Variants in CHRM5 observed in about 807,000 individuals in gnomAD.
CHRM5 encodes cholinergic receptor muscarinic 5.
CHRM5 carries 18 observed loss-of-function variants against 39.0 expected under a neutral mutation model. That is an observed-to-expected ratio of 0.46 (90% CI 0.32 to 0.68). The LOEUF is 0.68. Ranked by LOEUF, CHRM5 falls within the 30% of genes least tolerant of loss-of-function variation. The pLI, the probability that CHRM5 is intolerant of heterozygous loss-of-function variation, is 0.04. For synonymous variants in CHRM5, 241 were observed against 246.3 expected (o/e 0.98, Z 0.20); for missense variants, 515 against 651.1 (o/e 0.79, Z 2.28).
At chr15:34,027,012 A>G (rs1457117785) in intron 1 of CHRM5, among the ~76,000 whole-genome samples, 1 of 138,034 alleles carries the variant, frequency 7.2e-6, no homozygotes, top group Non-Finnish European at 1.6e-5. Context: ...ATAGAATAGA[A>G]GTACTTCCAG....
intron 1 of CHRM5, among the ~76,000 whole-genome samples, chr15:33,973,966 A>T (rs1249966717): frequency 6.6e-6 from 1 of 152,228 alleles, no homozygotes; most frequent in Non-Finnish European, 1.5e-5. Flanking sequence ...TAACTGCAGA[A>T]AAGTCTAATG....
intron 1 of CHRM5, among the ~76,000 whole-genome samples, chr15:34,015,435 T>TTC (rs1897850569): frequency 6.6e-6 from 1 of 151,810 alleles, no homozygotes; most frequent in Non-Finnish European, 1.5e-5. Context: ...TGAGCCGAGA[T>TTC]CGCACCACTG....
chr15:33,981,439 A>AACT (rs397798325), intron 1 of CHRM5, among the ~76,000 whole-genome samples: 1 of 151,698 alleles, frequency 6.6e-6, no homozygotes, highest in Non-Finnish European at 1.5e-5. Flanking sequence ...CAAACTAAAC[A>AACT]TAACCAAGTT....
At position 34,063,658 on chromosome 15, in the gene CHRM5, A is replaced by G. The variant is rs1597396207; in HGVS notation, c.941A>G (p.Lys314Arg). The change falls in exon 3 of 3, where the codon AAG (lysine) becomes AGG (arginine). Residue 314 changes from lysine (K) to arginine (R), a missense_variant. Coordinates refer to ENST00000383263, the MANE Select transcript of CHRM5 (RefSeq NM_012125.4). This position sits in a 1 kb window ranked among gnomAD's most constrained non-coding sequence, Gnocchi z 4.1. Reference protein sequence around the residue: ...SSYPSSEDEDKPATDPVLQVV... With the variant: ...SSYPSSEDEDRPATDPVLQVV... The stretch of plus-strand genomic sequence containing the variant: ...TACCCTTCCTCAGAGGATGAGGACA[A>G]GCCCGCCACTGACCCTGTCCTCCAA... The G allele has an allele frequency of 2.5e-6, 4 of 1,614,158 alleles. No individual in the cohort carries two copies. The East Asian group carries it at 8.9e-5, about 36-fold the overall frequency.
intron 1 of CHRM5, chr15:34,039,083 G>C: frequency 1.9e-6 from 2 of 1,079,732 alleles, no homozygotes; most frequent in Non-Finnish European, 2.2e-6. Context: ...CGCGGGAGCC[G>C]AGCTGCGGCG....
chr15:34,032,057 GA>G (rs1052714350), intron 1 of CHRM5, among the ~76,000 whole-genome samples: 21 of 140,490 alleles, frequency 1.5e-4, no homozygotes, highest in South Asian at 4.5e-4. Context: ...TCTAACAAAA[GA>G]AAAAAAAAAT....
At chr15:34,020,351 T>C (rs1388582330) in intron 1 of CHRM5, among the ~76,000 whole-genome samples, 1 of 152,176 alleles carries the variant, frequency 6.6e-6, no homozygotes, top group East Asian at 1.9e-4. Flanking sequence ...AAAAGGATAG[T>C]GTTCTTTTCT....
At chr15:33,970,537 C>T (rs1306394080) in intron 1 of CHRM5, among the ~76,000 whole-genome samples, 1 of 151,964 alleles carries the variant, frequency 6.6e-6, no homozygotes, top group East Asian at 1.9e-4. Context: ...TGAGAAACAG[C>T]TGAACCCTTA....
chr15:34,063,462 C>T lies in CHRM5; in HGVS notation c.745C>T (p.Leu249=), dbSNP rs540440299. Residue 249 remains leucine (L), a synonymous_variant, in exon 3 of 3, where the codon CTG becomes TTG. Coordinates refer to ENST00000383263, the MANE Select transcript of CHRM5 (RefSeq NM_012125.4). The surrounding 1 kb of genome is among the most constrained non-coding windows in gnomAD (Gnocchi z 4.1). ...GAAGAGAAAGCCAGCTCATAGGGCT[C>T]TGTTCAGATCCTGCTTGCGCTGTCC... ...AEKRKPAHRA[L]FRSCLRCPRP... is the part of the protein sequence containing the mutation. The T allele has an allele frequency of 6.8e-6, 11 of 1,613,894 alleles. No individual in the cohort carries two copies. The East Asian group carries it at 2.2e-4, about 33-fold the overall frequency.
At chr15:33,985,838 A>G (rs890929040) in intron 1 of CHRM5, among the ~76,000 whole-genome samples, 2 of 152,146 alleles carry the variant, frequency 1.3e-5, no homozygotes, top group Admixed American at 1.3e-4. Context: ...GGAAATGTTC[A>G]AAAATAGAAG....
chr15:34,003,602 C>T (rs1440983543), intron 1 of CHRM5, among the ~76,000 whole-genome samples: 1 of 152,138 alleles, frequency 6.6e-6, no homozygotes, highest in African/African-American at 2.4e-5. Context: ...CAAACACATT[C>T]CATAAACATG....
chr15:34,008,090 GA>G (rs766021495), intron 1 of CHRM5, among the ~76,000 whole-genome samples: 7 of 152,138 alleles, frequency 4.6e-5, no homozygotes, highest in African/African-American at 1.4e-4. Flanking sequence ...ATTCTTGGAA[GA>G]AAAAATCACC....
rs559920597 is a variant in CHRM5, at chr15:34,047,856, C to T, written c.-76+985C>T. Among the ~76,000 whole-genome samples the T allele has an allele frequency of 3.2e-4, 49 of 152,226 alleles. 1 individual carries two copies. The South Asian group carries it at 5.0e-3, about 16-fold the overall frequency. ...CTCTGCCTCCTGAGCTCAAGTAATCCTCCCACCTCAGCCTCCCGCACCCTG... is the reference window on the plus strand; with the variant it reads ...CTCTGCCTCCTGAGCTCAAGTAATCTTCCCACCTCAGCCTCCCGCACCCTG... On this transcript the variant is annotated intron_variant, in intron 2 of 2. Coordinates refer to ENST00000383263, the MANE Select transcript of CHRM5 (RefSeq NM_012125.4).
At chr15:34,032,446 G>A (rs1482387376) in intron 1 of CHRM5, among the ~76,000 whole-genome samples, 1 of 152,164 alleles carries the variant, frequency 6.6e-6, no homozygotes, top group Non-Finnish European at 1.5e-5. Flanking sequence ...CCTAGCAGCA[G>A]TTTAAAACAA....
intron 1 of CHRM5, among the ~76,000 whole-genome samples, chr15:34,021,181 ATCTTTT>A (rs1172864828): frequency 1.3e-5 from 2 of 152,056 alleles, no homozygotes; most frequent in African/African-American, 4.8e-5. Flanking sequence ...AAAAAATTGC[ATCTTTT>A]TCTTTTTCTT....
At chr15:33,980,912 C>T (rs906386829) in intron 1 of CHRM5, among the ~76,000 whole-genome samples, 1 of 152,110 alleles carries the variant, frequency 6.6e-6, no homozygotes, top group East Asian at 1.9e-4. Flanking sequence ...AAAATCGTAT[C>T]ACTAGAGCCT....
At chr15:34,042,396 G>GTTTTT (rs35456951) in intron 1 of CHRM5, among the ~76,000 whole-genome samples, 4 of 130,382 alleles carry the variant, frequency 3.1e-5, no homozygotes, top group Non-Finnish European at 4.8e-5. Context: ...CATGACCTAA[G>GTTTTT]TTTTTTTTTT....
rs538462188 is a variant in CHRM5, at chr15:34,057,135, T to A, written c.-75-5508T>A. 3.1e-4 allele frequency among the ~76,000 whole-genome samples: 15 copies of A among 48,802 alleles called. 1 individual carries two copies. In the South Asian group the frequency reaches 0.013, roughly 41 times the overall value. 32.0% of individuals were successfully genotyped at this position (48,802 alleles called of 152,430 possible). A position where few individuals can be genotyped will look rare whatever the true frequency, so the allele number is the denominator to read the frequency against. ...TCCTACCAGGAGAAGAGTTTTGGTT[T>A]TTTTTGGTTTTTTTTTTTAGGTGGA... On this transcript the variant is annotated intron_variant, in intron 2 of 2. Transcript: ENST00000383263.
intron 1 of CHRM5, among the ~76,000 whole-genome samples, chr15:34,010,087 T>C (rs1897571783): frequency 1.3e-5 from 2 of 152,128 alleles, no homozygotes; most frequent in Non-Finnish European, 2.9e-5. Flanking sequence ...TTAACAATAA[T>C]AGTTAGAAAC....
Sources: allele counts gnomAD v4.1 joint callset (sites outside exome capture counted in the v4.1 genomes callset), GRCh38; gene constraint gnomAD v4.1.1; non-coding constraint Gnocchi (gnomAD v3.1); transcripts MANE v1.5; gene names NCBI Gene and HGNC (gene_info 2026-07-23, HGNC 2026-07-21).